EXOC6B: variants seen among roughly 807,000 people sequenced by gnomAD.
EXOC6B encodes exocyst complex component 6B.
EXOC6B carries 54 observed loss-of-function variants against 113.5 expected under a neutral mutation model. That is an observed-to-expected ratio of 0.48 (90% CI 0.38 to 0.60). The LOEUF (loss-of-function observed/expected upper bound fraction) is 0.60, where lower values mean the gene tolerates loss of function less well. Ranked by LOEUF, EXOC6B falls within the 20% of genes least tolerant of loss-of-function variation. The probability of loss-of-function intolerance (pLI) is 0.00; values close to 1 mark genes in which losing one functional copy is unlikely to be tolerated. For synonymous variants in EXOC6B, 357 were observed against 339.0 expected (o/e 1.05, Z -0.58); for missense variants, 797 against 977.5 (o/e 0.82, Z 2.46).
At chr2:72,619,809 T>C (rs997817739) in intron 6 of EXOC6B, among the ~76,000 whole-genome samples, 3 of 152,142 alleles carry the variant, frequency 2.0e-5, no homozygotes, top group African/African-American at 7.2e-5. Flanking sequence ...GCATCCCTGA[T>C]TGATGTGTGA....
intron 8 of EXOC6B, among the ~76,000 whole-genome samples, chr2:72,522,131 G>A (rs577179348): frequency 7.1e-4 from 108 of 152,142 alleles, no homozygotes; most frequent in African/African-American, 2.5e-3. Context: ...TATAAGAAGG[G>A]CTAAATAACC....
At chr2:72,616,012 G>GA (rs1408867947) in intron 6 of EXOC6B, among the ~76,000 whole-genome samples, 2 of 151,858 alleles carry the variant, frequency 1.3e-5, no homozygotes, top group East Asian at 3.9e-4. Flanking sequence ...TTTAAAAATA[G>GA]AAAAAAGCTT....
At chr2:72,221,734 A>G (rs1323047694) in intron 20 of EXOC6B, among the ~76,000 whole-genome samples, 30 of 152,192 alleles carry the variant, frequency 2.0e-4, no homozygotes, top group Admixed American at 2.0e-3. Context: ...TGAATGAATA[A>G]TCCTCTAAGA....
chr2:72,700,687 G>C (rs1010993412), intron 6 of EXOC6B, among the ~76,000 whole-genome samples: 1 of 152,214 alleles, frequency 6.6e-6, no homozygotes, highest in Non-Finnish European at 1.5e-5. Context: ...AATGGGGCCA[G>C]GCGCAGTGGC....
chr2:72,479,504 T>C (rs17263172), intron 17 of EXOC6B, among the ~76,000 whole-genome samples: 40,638 of 152,080 alleles, frequency 0.27, 9,914 homozygotes, highest in African/African-American at 0.66. Context: ...TACAACTGTA[T>C]ATTTAATTAA....
chr2:72,227,158 A>C (rs983307032), intron 20 of EXOC6B, among the ~76,000 whole-genome samples: 1 of 152,240 alleles, frequency 6.6e-6, no homozygotes, highest in Non-Finnish European at 1.5e-5. Flanking sequence ...ATCTAAATTC[A>C]TCAGTTAAAA....
chr2:72,295,697 T>C (rs1686089405), intron 20 of EXOC6B, among the ~76,000 whole-genome samples: 1 of 152,176 alleles, frequency 6.6e-6, no homozygotes, highest in African/African-American at 2.4e-5. Flanking sequence ...CTGCATGCTG[T>C]ATGATTGAAG....
chr2:72,783,486 G>A (rs960198795), intron 1 of EXOC6B, among the ~76,000 whole-genome samples: 7 of 151,772 alleles, frequency 4.6e-5, no homozygotes, highest in Non-Finnish European at 1.0e-4. Flanking sequence ...ACCATGCCCA[G>A]CTAATTTTTG....
intron 20 of EXOC6B, among the ~76,000 whole-genome samples, chr2:72,303,250 T>C (rs530020256): frequency 6.6e-6 from 1 of 152,144 alleles, no homozygotes; most frequent in South Asian, 2.1e-4. Context: ...TTTCAGGGGC[T>C]CTCTGTGTTT....
intron 18 of EXOC6B, among the ~76,000 whole-genome samples, chr2:72,406,019 A>T (rs1386841462): frequency 6.6e-6 from 1 of 152,212 alleles, no homozygotes; most frequent in African/African-American, 2.4e-5. Flanking sequence ...TCTACCAAGC[A>T]AATGGAAAAT....
intron 6 of EXOC6B, among the ~76,000 whole-genome samples, chr2:72,658,201 G>C (rs4560138): frequency 0.03 from 4,356 of 145,940 alleles, 179 homozygotes; most frequent in East Asian, 0.1. Flanking sequence ...GAATTAATTG[G>C]AGCAGACAGA....
chr2:72,345,239 A>T (rs545923932), intron 19 of EXOC6B, among the ~76,000 whole-genome samples: 34 of 152,162 alleles, frequency 2.2e-4, no homozygotes, highest in Non-Finnish European at 4.7e-4. Flanking sequence ...CTGCCAGTGT[A>T]ATTATTGCCT....
Position 72,515,071 on chromosome 2 carries a change from C to A in EXOC6B, c.971G>T (p.Arg324Leu), listed in dbSNP as rs756686645. The change falls in exon 9 of 22, where the codon CGT becomes CTT. Residue 324 changes from arginine to leucine, a missense_variant. Coordinates refer to ENST00000272427, the MANE Select transcript of EXOC6B (RefSeq NM_015189.3). ...GTTAGATGGAGGTTGAAGTACCAAA[C>A]GAGCCTGTTTTCGCCTCTGTTTTCG... ...YYRKQRRKQA[R>L]LVLQPPSNMH... The A allele has an allele frequency of 1.9e-6, 3 of 1,607,028 alleles. No homozygotes were observed. The highest frequency in any genetic ancestry group is 2.2e-5 in the East Asian group (1 of 44,702).
At chr2:72,564,283 C>A (rs1704044853) in intron 7 of EXOC6B, among the ~76,000 whole-genome samples, 1 of 152,144 alleles carries the variant, frequency 6.6e-6, no homozygotes, top group Non-Finnish European at 1.5e-5. Context: ...CACACTCTCT[C>A]CCTCATACAC....
chr2:72,343,513 C>A (rs1398007918), intron 19 of EXOC6B, among the ~76,000 whole-genome samples: 1 of 152,104 alleles, frequency 6.6e-6, no homozygotes. Context: ...TGATTGAAAT[C>A]TTCATTTGTT....
At chr2:72,361,629 C>T (rs1690321736) in intron 19 of EXOC6B, among the ~76,000 whole-genome samples, 1 of 152,090 alleles carries the variant, frequency 6.6e-6, no homozygotes, top group African/African-American at 2.4e-5. Flanking sequence ...GTTGTTGATG[C>T]CTGGTACCTA....
intron 20 of EXOC6B, among the ~76,000 whole-genome samples, chr2:72,290,167 C>G (rs10207299): frequency 0.41 from 62,977 of 152,122 alleles, 18,757 homozygotes; most frequent in African/African-American, 0.85. Flanking sequence ...GCTCTGCTGG[C>G]TCTCCAGCCT....
intron 12 of EXOC6B, among the ~76,000 whole-genome samples, chr2:72,499,253 CAG>C (rs1003944828): frequency 1.0e-4 from 15 of 144,034 alleles, no homozygotes; most frequent in African/African-American, 3.6e-4. Context: ...TTTTTTAAGA[CAG>C]AGTTTCACCC....
intron 20 of EXOC6B, among the ~76,000 whole-genome samples, chr2:72,272,317 C>G (rs1399282863): frequency 1.3e-5 from 2 of 152,098 alleles, no homozygotes; most frequent in East Asian, 3.9e-4. Flanking sequence ...GGAAAATAAT[C>G]CAGTATGCAG....
Sources: gnomAD v4.1 joint callset for allele counts (sites outside exome capture counted in the v4.1 genomes callset) on GRCh38, gnomAD v4.1.1 for gene constraint, MANE v1.5 for transcripts, NCBI Gene and HGNC (gene_info 2026-07-23, HGNC 2026-07-21) for gene names.